TCP11L2: variants seen among roughly 807,000 people sequenced by gnomAD.
TCP11L2 encodes t-complex 11 like 2.
In TCP11L2, 39 loss-of-function variants were observed where a neutral mutation model predicts 50.7. The ratio of observed to expected loss-of-function variants is 0.77; its 90% confidence interval spans 0.60 to 1.01. The LOEUF (loss-of-function observed/expected upper bound fraction) is 1.01, where lower values mean the gene tolerates loss of function less well. Ranked by LOEUF, TCP11L2 falls within the 50% of genes least tolerant of loss-of-function variation. The pLI is 0.00. For synonymous variants in TCP11L2, 192 were observed against 219.3 expected, an observed-to-expected ratio of 0.88 and a Z score of 1.10; for missense variants, 612 against 614.7, an observed-to-expected ratio of 1.00 and a Z score of 0.05.
At chr12:106,299,589 C>T (rs188749479), upstream of TCP11L2, among the ~76,000 whole-genome samples, 84 of 152,292 alleles carry the variant, frequency 5.5e-4, no homozygotes, top group Middle Eastern at 3.4e-3. Flanking sequence ...ACTGCCCAGA[C>T]TGCACGAACA....
chr12:106,341,214 T>C (rs535353105), intron 9 of TCP11L2, among the ~76,000 whole-genome samples: 10 of 152,312 alleles, frequency 6.6e-5, no homozygotes, highest in African/African-American at 2.4e-4. Flanking sequence ...GGGCCTATTA[T>C]CTATTCAGCC....
At chr12:106,314,328 A>C in intron 2 of TCP11L2, 30 bp from the exon 3 acceptor site, 1 of 1,590,118 alleles carries the variant, frequency 6.3e-7, no homozygotes, top group African/African-American at 1.3e-5. Context: ...TTTCTTCTGC[A>C]ACATTAACTG....
At chr12:106,298,360 A>C (rs566910295), upstream of TCP11L2, among the ~76,000 whole-genome samples, 1 of 152,164 alleles carries the variant, frequency 6.6e-6, no homozygotes, top group South Asian at 2.1e-4. Context: ...TCAGGGCCTA[A>C]TTCTCTAGTT....
chr12:106,319,736 AAAAT>A (rs1565846488), intron 4 of TCP11L2, among the ~76,000 whole-genome samples: 3 of 152,240 alleles, frequency 2.0e-5, no homozygotes, highest in Admixed American at 2.0e-4. Flanking sequence ...TTATTTATTA[AAAAT>A]CCAAGTTTTC....
At chr12:106,308,089 T>G (rs534239521) in intron 1 of TCP11L2, among the ~76,000 whole-genome samples, 2 of 152,332 alleles carry the variant, frequency 1.3e-5, no homozygotes, top group Non-Finnish European at 2.9e-5. Context: ...TTTCTAAACA[T>G]TTTGAAGCTT....
In TCP11L2 at chr12:106,330,228, C is replaced by T. The variant is rs1039498243; in HGVS notation, c.773-5411C>T. ...TTTCAGCCTCCTGGAATAGCCTTGGCATGTCAAATTTCATTTAGTTCATGA... is the reference window on the plus strand; with the variant it reads ...TTTCAGCCTCCTGGAATAGCCTTGGTATGTCAAATTTCATTTAGTTCATGA... On this transcript the variant is annotated intron_variant, in intron 6 of 9. Coordinates refer to ENST00000299045, the MANE Select transcript of TCP11L2 (RefSeq NM_152772.3). 10 of 985,226 alleles carry T rather than the reference C, an allele frequency of 1.0e-5. 1 individual carries two copies. In the East Asian group the frequency reaches 3.4e-4, roughly 33 times the overall value. 61.0% of individuals were successfully genotyped at this position (985,226 alleles called of 1,614,324 possible).
At chr12:106,336,392 A>G (rs2035921280) in intron 8 of TCP11L2, among the ~76,000 whole-genome samples, 179 bp downstream of exon 8, 1 of 152,112 alleles carries the variant, frequency 6.6e-6, no homozygotes, top group South Asian at 2.1e-4. Flanking sequence ...ATGTCCTCTC[A>G]TAGGAAGGGA....
intron 6 of TCP11L2, chr12:106,329,387 A>G: frequency 6.5e-7 from 1 of 1,536,074 alleles, no homozygotes; most frequent in Middle Eastern, 1.7e-4. Flanking sequence ...AACCAGAGAG[A>G]GCAGTCACCG....
At chr12:106,306,440 T>A (rs1418240523) in intron 1 of TCP11L2, among the ~76,000 whole-genome samples, 1 of 152,206 alleles carries the variant, frequency 6.6e-6, no homozygotes, top group African/African-American at 2.4e-5. Context: ...CCACAGTACA[T>A]TTCAACTTCA....
intron 7 of TCP11L2, 43 bp downstream of exon 7, chr12:106,335,869 T>G (rs2035900856): frequency 6.3e-7 from 1 of 1,592,696 alleles, no homozygotes; most frequent in South Asian, 1.1e-5. Context: ...AGTATTTTTA[T>G]TCTTAAGTTC....
At chr12:106,324,065 C>G (rs1300844469) in intron 6 of TCP11L2, 1 of 152,110 alleles carries the variant, frequency 6.6e-6, no homozygotes, top group Non-Finnish European at 1.5e-5. Flanking sequence ...AGTTGCCGTC[C>G]CCAAGGAGCT....
intron 5 of TCP11L2, among the ~76,000 whole-genome samples, chr12:106,322,929 G>A (rs148651058): frequency 5.5e-4 from 83 of 152,246 alleles, no homozygotes; most frequent in African/African-American, 1.9e-3. Context: ...TTTGTTGAGC[G>A]CCCACTGGGT....
intron 8 of TCP11L2, among the ~76,000 whole-genome samples, chr12:106,337,762 T>C (rs1408123382): frequency 6.6e-6 from 1 of 152,160 alleles, no homozygotes; most frequent in Non-Finnish European, 1.5e-5. Context: ...TACCTTGGAG[T>C]TGTGAGAACT....
At chr12:106,323,147 T>C (rs1277568159) in intron 5 of TCP11L2, among the ~76,000 whole-genome samples, 2 of 152,246 alleles carry the variant, frequency 1.3e-5, no homozygotes, top group Admixed American at 6.5e-5. Flanking sequence ...TTTTCCTCAG[T>C]GCCTCACTGC....
At position 106,309,484 on chromosome 12, in the gene TCP11L2, C is replaced by T. The variant is rs550029124; in HGVS notation, c.-35-1557C>T. On this transcript the variant is annotated intron_variant, in intron 1 of 9. Coordinates refer to ENST00000299045, the MANE Select transcript of TCP11L2 (RefSeq NM_152772.3). ...TACATTTCTGTGGCAGGATTGAAGA[C>T]GGTTGTTTAGGTGAGGCAAGGCGCA... Among the ~76,000 whole-genome samples the T allele has an allele frequency of 9.2e-5, 14 of 152,002 alleles. No individual in the cohort carries two copies. In the East Asian group the frequency reaches 1.7e-3, roughly 19 times the overall value.
chr12:106,345,799 G>C (rs1461076763), intron 9 of TCP11L2, among the ~76,000 whole-genome samples: 1 of 152,168 alleles, frequency 6.6e-6, no homozygotes, highest in Non-Finnish European at 1.5e-5. Context: ...ATGTATTTGT[G>C]GTTCAGCTGT....
Position 106,336,018 on chromosome 12 carries a change from A to C in TCP11L2, c.961-14A>C. The C allele has an allele frequency of 6.4e-7, 1 of 1,566,446 alleles. No individual in the cohort carries two copies. The highest frequency in any genetic ancestry group is 8.6e-7 in the Non-Finnish European group (1 of 1,161,940). On this transcript the variant is annotated splice_polypyrimidine_tract_variant and intron_variant, in intron 7 of 9. Coordinates refer to ENST00000299045, the MANE Select transcript of TCP11L2 (RefSeq NM_152772.3). ...CTACCCTTTCTATTTTTATATTTTA[A>C]ATAAATATGTTAGACACTTATGACA... is the stretch of plus-strand genomic sequence containing the variant.
At chr12:106,304,862 G>T (rs1355621490) in intron 1 of TCP11L2, among the ~76,000 whole-genome samples, 2 of 152,194 alleles carry the variant, frequency 1.3e-5, no homozygotes, top group Non-Finnish European at 1.5e-5. Flanking sequence ...CCCTCCTAGA[G>T]GATTTTCTGT....
intron 3 of TCP11L2, 60 bp from the exon 4 acceptor site, chr12:106,318,284 C>T: frequency 1.9e-6 from 3 of 1,565,270 alleles, no homozygotes; most frequent in Non-Finnish European, 2.6e-6. Flanking sequence ...GAGGATGTTT[C>T]TTTTATAATC....
Sources: gnomAD v4.1 joint callset for allele counts (sites outside exome capture counted in the v4.1 genomes callset) on GRCh38, gnomAD v4.1.1 for gene constraint, MANE v1.5 for transcripts, NCBI Gene and HGNC (gene_info 2026-07-23, HGNC 2026-07-21) for gene names.